Variants in TENM2 observed in about 807,000 individuals in gnomAD.
TENM2 encodes teneurin transmembrane protein 2, also known as teneurin-2.
Under a neutral mutation model 245.2 loss-of-function variants are expected in TENM2, and 52 were observed. That is an observed-to-expected ratio of 0.21 (90% CI 0.17 to 0.27). The LOEUF is 0.27. Among genes scored for constraint, TENM2 ranks in the 10% least tolerant of loss-of-function variants. The pLI, the probability that TENM2 is intolerant of heterozygous loss-of-function variation, is 1.00. For missense variants in TENM2, 3,046 were observed against 3,666.8 expected, an observed-to-expected ratio of 0.83 and a Z score of 4.37; for synonymous variants, 1,363 against 1,438.9, an observed-to-expected ratio of 0.95 and a Z score of 1.19.
intron 1 of TENM2, among the ~76,000 whole-genome samples, chr5:167,322,013 G>T (rs1561861432): frequency 6.6e-6 from 1 of 151,672 alleles, no homozygotes; most frequent in Non-Finnish European, 1.5e-5. Flanking sequence ...TGTATTTTTA[G>T]TAGACACAGG....
At chr5:168,179,061 G>A (rs983869919) in intron 13 of TENM2, among the ~76,000 whole-genome samples, 3 of 148,980 alleles carry the variant, frequency 2.0e-5, no homozygotes, top group African/African-American at 7.5e-5. Context: ...CTTGAACCCA[G>A]GAGGCAGAAG....
intron 2 of TENM2, among the ~76,000 whole-genome samples, chr5:167,686,517 G>T (rs1355785685): frequency 1.3e-5 from 2 of 152,148 alleles, no homozygotes; most frequent in Non-Finnish European, 2.9e-5. Context: ...TTCACCGAGG[G>T]CTTTAAAAAT....
intron 2 of TENM2, among the ~76,000 whole-genome samples, chr5:167,446,410 A>G (rs1175977210): frequency 1.3e-5 from 2 of 152,134 alleles, no homozygotes; most frequent in Non-Finnish European, 2.9e-5. Flanking sequence ...TCTGTTTGGC[A>G]TTGATTAAAT....
intron 2 of TENM2, among the ~76,000 whole-genome samples, chr5:167,383,981 A>C (rs1278852732): frequency 6.6e-6 from 1 of 152,188 alleles, no homozygotes; most frequent in Non-Finnish European, 1.5e-5. Flanking sequence ...AATTAAGCCT[A>C]AGCAACCACT....
intron 2 of TENM2, among the ~76,000 whole-genome samples, chr5:167,717,673 G>T (rs1247509614): frequency 6.6e-6 from 1 of 152,096 alleles, no homozygotes; most frequent in Non-Finnish European, 1.5e-5. Flanking sequence ...AATTGAGCAT[G>T]ACCTTTGGAA....
intron 3 of TENM2, among the ~76,000 whole-genome samples, chr5:167,896,671 G>C (rs1775252208): frequency 6.6e-6 from 1 of 152,168 alleles, no homozygotes; most frequent in Non-Finnish European, 1.5e-5. Flanking sequence ...AGAAGTCCTG[G>C]AACAGCAAAG....
chr5:167,245,924 C>G, the TENM2 span, among the ~76,000 whole-genome samples: 3 of 152,108 alleles, frequency 2.0e-5, no homozygotes, highest in African/African-American at 7.2e-5. Flanking sequence ...AACTTCTACC[C>G]CTCCCACTAA....
At chr5:168,255,298 CT>C (rs1452684866) in intron 27 of TENM2, among the ~76,000 whole-genome samples, 1 of 151,310 alleles carries the variant, frequency 6.6e-6, no homozygotes, top group Non-Finnish European at 1.5e-5. Flanking sequence ...ATTAACACTT[CT>C]TTTTTTTTCT....
chr5:167,919,511 A>G (rs1469913732), intron 3 of TENM2, among the ~76,000 whole-genome samples: 1 of 152,246 alleles, frequency 6.6e-6, no homozygotes, highest in Non-Finnish European at 1.5e-5. Flanking sequence ...TTATAGTTTA[A>G]GGACACATTA....
the TENM2 span, among the ~76,000 whole-genome samples, chr5:167,271,677 G>A: frequency 1.3e-5 from 2 of 152,138 alleles, no homozygotes; most frequent in Non-Finnish European, 2.9e-5. Context: ...ATAGACAGCG[G>A]ATCCTGGCTC....
the TENM2 span, among the ~76,000 whole-genome samples, chr5:167,080,838 C>A: frequency 5.6e-4 from 85 of 151,700 alleles, 1 homozygote; most frequent in African/African-American, 2.0e-3. Flanking sequence ...TAGCCTGATG[C>A]CAGTATAGTT....
At chr5:166,999,094 A>T in the TENM2 span, among the ~76,000 whole-genome samples, 4 of 151,804 alleles carry the variant, frequency 2.6e-5, no homozygotes, top group African/African-American at 7.2e-5. Context: ...TGTTTAAAAA[A>T]CCCTGTTTAT....
At chr5:167,453,387 C>T (rs569583279) in intron 2 of TENM2, among the ~76,000 whole-genome samples, 1 of 152,144 alleles carries the variant, frequency 6.6e-6, no homozygotes, top group East Asian at 1.9e-4. Flanking sequence ...TTAAGCATGC[C>T]CAGTCACTAT....
intron 1 of TENM2, among the ~76,000 whole-genome samples, chr5:167,313,439 C>T (rs1430954197): frequency 1.3e-5 from 2 of 152,132 alleles, no homozygotes; most frequent in Admixed American, 6.6e-5. Flanking sequence ...CAGGAGAAGA[C>T]AAGCCTGACC....
chr5:168,036,486 A>G (rs1787673978), intron 5 of TENM2, among the ~76,000 whole-genome samples: 1 of 151,720 alleles, frequency 6.6e-6, no homozygotes, highest in African/African-American at 2.4e-5. Flanking sequence ...AAATACAAAA[A>G]TTAGCTGGGC....
chr5:167,372,465 A>T (rs967600400), intron 1 of TENM2, among the ~76,000 whole-genome samples: 1 of 152,174 alleles, frequency 6.6e-6, no homozygotes, highest in Non-Finnish European at 1.5e-5. Context: ...CCAGGCCAAA[A>T]ACCACATGCA....
chr5:167,320,865 A>AT (rs1409836957), intron 1 of TENM2, among the ~76,000 whole-genome samples: 5 of 151,996 alleles, frequency 3.3e-5, no homozygotes, highest in Admixed American at 1.3e-4. Flanking sequence ...GGGACAACTT[A>AT]TTTTTTATGG....
chr5:168,228,477 GTCT>G (rs1222779071), intron 25 of TENM2, among the ~76,000 whole-genome samples: 2 of 129,384 alleles, frequency 1.5e-5, no homozygotes, highest in Non-Finnish European at 3.1e-5. Context: ...CACACTTGCT[GTCT>G]TCTTCTTCCT....
At chr5:167,404,106 T>C (rs11741259) in intron 2 of TENM2, among the ~76,000 whole-genome samples, 64,426 of 151,776 alleles carry the variant, frequency 0.42, 14,532 homozygotes, top group Non-Finnish European at 0.49. Flanking sequence ...ATGACACTTA[T>C]ATTTTAAACC....
Sources: gnomAD v4.1 joint callset for allele counts (sites outside exome capture counted in the v4.1 genomes callset) on GRCh38, gnomAD v4.1.1 for gene constraint, MANE v1.5 for transcripts, NCBI Gene and HGNC (gene_info 2026-07-23, HGNC 2026-07-21) for gene names.